Variants in KLHL32 observed in about 807,000 individuals in gnomAD.
The protein encoded by KLHL32 is kelch like family member 32.
Under a neutral mutation model 64.8 loss-of-function variants are expected in KLHL32, and 35 were observed. That is an observed-to-expected ratio of 0.54 (90% CI 0.41 to 0.72). The LOEUF is 0.72. KLHL32 is among the 30% of genes least tolerant of loss of function. The pLI is 0.00. For missense variants in KLHL32, 589 were observed against 768.5 expected (o/e 0.77, Z 2.76); for synonymous variants, 259 against 281.0 (o/e 0.92, Z 0.78).
intron 6 of KLHL32, among the ~76,000 whole-genome samples, chr6:97,096,971 T>TTTAGTCA (rs1795071415): frequency 6.6e-6 from 1 of 152,184 alleles, no homozygotes; most frequent in Non-Finnish European, 1.5e-5. Context: ...TTTTTAGTCA[T>TTTAGTCA]TTTGTGCTTT....
At chr6:96,932,353 C>T (rs1048632669) in intron 1 of KLHL32, among the ~76,000 whole-genome samples, 1 of 151,356 alleles carries the variant, frequency 6.6e-6, no homozygotes. Flanking sequence ...TTTATCATTT[C>T]TTGGAGGTAT....
chr6:97,031,291 T>C lies in KLHL32; in HGVS notation c.205-10201T>C, dbSNP rs1325646276. 3.3e-5 allele frequency among the ~76,000 whole-genome samples: 5 copies of C among 152,300 alleles called. No homozygotes were observed. In the East Asian group the frequency reaches 9.6e-4, roughly 29 times the overall value. On this transcript the variant is annotated intron_variant, in intron 3 of 10. Transcript: ENST00000369261. ...TGATATAATAGTTCCCCTTTTTTAA[T>C]CTTTAGATTAGTTCTAGTTTTTAAA...
At chr6:97,096,732 C>A (rs1029691637) in intron 6 of KLHL32, among the ~76,000 whole-genome samples, 1 of 152,352 alleles carries the variant, frequency 6.6e-6, no homozygotes, top group Non-Finnish European at 1.5e-5. Context: ...TTGAGGCATG[C>A]CCTCTGATGG....
intron 7 of KLHL32, among the ~76,000 whole-genome samples, chr6:97,126,857 T>C (rs1478130937): frequency 6.6e-6 from 1 of 152,236 alleles, no homozygotes; most frequent in Non-Finnish European, 1.5e-5. Context: ...ACTTTTTATG[T>C]GGCTACTGGA....
chr6:97,021,175 A>G (rs977511176), intron 3 of KLHL32, among the ~76,000 whole-genome samples: 25 of 150,638 alleles, frequency 1.7e-4, no homozygotes, highest in Non-Finnish European at 1.3e-4. Context: ...TGGGTTTTTT[A>G]TTTTAACTTT....
intron 4 of KLHL32, among the ~76,000 whole-genome samples, chr6:97,057,689 C>T (rs1274585721): frequency 6.6e-6 from 1 of 152,074 alleles, no homozygotes; most frequent in Non-Finnish European, 1.5e-5. Context: ...TAGCCTATGG[C>T]TTGTCTTCTC....
chr6:97,110,664 A>T (rs1030648503), intron 6 of KLHL32, among the ~76,000 whole-genome samples: 1 of 152,204 alleles, frequency 6.6e-6, no homozygotes, highest in Non-Finnish European at 1.5e-5. Context: ...AAAATCTGTT[A>T]TCTGAACAGG....
At chr6:97,131,724 C>G (rs1040068457) in intron 9 of KLHL32, among the ~76,000 whole-genome samples, 3 of 152,162 alleles carry the variant, frequency 2.0e-5, no homozygotes, top group Non-Finnish European at 4.4e-5. Flanking sequence ...AGTGGGCACT[C>G]AATCCCTTGC....
At chr6:97,007,442 G>C (rs1026828224) in intron 3 of KLHL32, among the ~76,000 whole-genome samples, 1 of 152,046 alleles carries the variant, frequency 6.6e-6, no homozygotes, top group Non-Finnish European at 1.5e-5. Flanking sequence ...TCTTGAATAT[G>C]GATGATCTTT....
intron 6 of KLHL32, among the ~76,000 whole-genome samples, chr6:97,106,614 C>A (rs1796442937): frequency 6.6e-6 from 1 of 151,928 alleles, no homozygotes; most frequent in Non-Finnish European, 1.5e-5. Flanking sequence ...GGTAATGGCG[C>A]ACGCTTGTAA....
At chr6:97,077,951 A>G (rs1345885139) in intron 5 of KLHL32, among the ~76,000 whole-genome samples, 1 of 152,236 alleles carries the variant, frequency 6.6e-6, no homozygotes, top group East Asian at 1.9e-4. Flanking sequence ...TACATGCATG[A>G]ATAGCTTAGT....
At chr6:96,984,075 T>C (rs1021585720) in intron 3 of KLHL32, among the ~76,000 whole-genome samples, 5 of 152,228 alleles carry the variant, frequency 3.3e-5, no homozygotes, top group Non-Finnish European at 4.4e-5. Context: ...TCCTGATATG[T>C]TGTGTCTTTG....
chr6:97,128,747 AC>A (rs894938623), intron 8 of KLHL32, among the ~76,000 whole-genome samples: 36 of 152,292 alleles, frequency 2.4e-4, no homozygotes, highest in African/African-American at 7.7e-4. Context: ...GAATGACCCC[AC>A]CAGGCCTCTC....
chr6:96,986,044 G>A (rs1173009815), intron 3 of KLHL32, among the ~76,000 whole-genome samples: 2 of 152,058 alleles, frequency 1.3e-5, no homozygotes, highest in African/African-American at 4.8e-5. Flanking sequence ...GTACAGATGG[G>A]GTTTTGGTGT....
At chr6:96,976,999 C>T (rs1582550004) in intron 3 of KLHL32, among the ~76,000 whole-genome samples, 1 of 152,176 alleles carries the variant, frequency 6.6e-6, no homozygotes, top group African/African-American at 2.4e-5. Context: ...CTAATGAAGA[C>T]ACATCTTGTT....
intron 4 of KLHL32, among the ~76,000 whole-genome samples, chr6:97,042,898 A>G (rs144470753): frequency 1.3e-3 from 201 of 152,292 alleles, no homozygotes; most frequent in African/African-American, 4.7e-3. Flanking sequence ...GGTCATGTTG[A>G]TTGATTCTTC....
intron 1 of KLHL32, among the ~76,000 whole-genome samples, chr6:96,940,678 G>A (rs1771170281): frequency 6.6e-6 from 1 of 152,170 alleles, no homozygotes; most frequent in South Asian, 2.1e-4. Flanking sequence ...CAGATAATAA[G>A]CTGAGTTACA....
intron 3 of KLHL32, among the ~76,000 whole-genome samples, chr6:97,017,380 T>C (rs1167545605): frequency 1.3e-5 from 2 of 152,356 alleles, no homozygotes; most frequent in Non-Finnish European, 2.9e-5. Context: ...CCATAGGGAA[T>C]GCCCTCATCA....
chr6:97,092,164 T>C (rs889523675), intron 6 of KLHL32, among the ~76,000 whole-genome samples: 15 of 152,126 alleles, frequency 9.9e-5, no homozygotes, highest in African/African-American at 3.6e-4. Flanking sequence ...AATTTTTTTG[T>C]ATTTTTAGTA....
Sources: allele counts gnomAD v4.1 joint callset (sites outside exome capture counted in the v4.1 genomes callset), GRCh38; gene constraint gnomAD v4.1.1; transcripts MANE v1.5; gene names NCBI Gene and HGNC (gene_info 2026-07-23, HGNC 2026-07-21).